The following STYK1 variants were observed in gnomAD, a reference collection of about 807,000 sequenced individuals.
STYK1 encodes the protein tyrosine-protein kinase STYK1.
In STYK1, 46 loss-of-function variants were observed where a neutral mutation model predicts 48.1. That is an observed-to-expected ratio of 0.96 (90% CI 0.75 to 1.22). The LOEUF is 1.22. STYK1 is among the 50% of genes most tolerant of loss of function. The pLI is 0.00. For missense variants in STYK1, 527 were observed against 521.1 expected (o/e 1.01, Z -0.11); for synonymous variants, 188 against 189.0 (o/e 0.99, Z 0.04).
chr12:10,631,084 G>T lies in STYK1; in HGVS notation c.412C>A (p.Pro138Thr), dbSNP rs772530382. Residue 138 changes from proline to threonine, a missense_variant, in exon 5 of 11, where the codon CCT becomes ACT. By Grantham distance (38) the Pro-to-Thr change is conservative. Coordinates refer to ENST00000075503, the MANE Select transcript of STYK1 (RefSeq NM_018423.3). Reference protein sequence around the residue: ...IFRANMNTGDPSKPKSVILKA... With the variant: ...IFRANMNTGDTSKPKSVILKA... ...AGAATAACACTCTTGGGCTTAGAAG[G>T]GTCCCCAGTGTTCATATTGGCTCGA... 4 of 1,614,032 alleles carry T rather than the reference G, an allele frequency of 2.5e-6. No homozygotes were observed. Among genetic ancestry groups the T allele is most frequent in the Non-Finnish European group, 3.4e-6 (4 of 1,180,014 alleles).
intron 7 of STYK1, 79 bp from the exon 8 acceptor site, chr12:10,624,938 A>G (rs1342654125): frequency 3.1e-6 from 4 of 1,288,802 alleles, no homozygotes; most frequent in Admixed American, 1.7e-5. Flanking sequence ...AGTCCTAGGA[A>G]TCTTCAAAAA....
chr12:10,645,217 T>C (rs1490249399), intron 1 of STYK1, among the ~76,000 whole-genome samples: 1 of 152,118 alleles, frequency 6.6e-6, no homozygotes, highest in African/African-American at 2.4e-5. Flanking sequence ...AGGTCACCCA[T>C]CATAGAAAGA....
chr12:10,671,151 C>T (rs1360288519), intron 1 of STYK1, among the ~76,000 whole-genome samples: 2 of 151,880 alleles, frequency 1.3e-5, no homozygotes, highest in Non-Finnish European at 1.5e-5. Flanking sequence ...CCCGCCACCA[C>T]GCCCAGCTAA....
At chr12:10,628,643 C>G (rs900297672) in intron 6 of STYK1, among the ~76,000 whole-genome samples, 1 of 152,168 alleles carries the variant, frequency 6.6e-6, no homozygotes, top group Non-Finnish European at 1.5e-5. Flanking sequence ...GAATATTGAA[C>G]TTGCTCACTA....
chr12:10,620,312 C>G lies in STYK1; in HGVS notation c.1101G>C (p.Glu367Asp). 1 of 1,613,586 alleles carries G rather than the reference C, an allele frequency of 6.2e-7. No homozygotes were observed. The highest frequency in any genetic ancestry group is 1.1e-5 in the South Asian group (1 of 91,048). The change falls in exon 11 of 11, where the codon GAG becomes GAC. Residue 367 changes from glutamate (E) to aspartate (D), a missense_variant. By Grantham distance (45) the Glu-to-Asp change is conservative. Transcript: ENST00000075503. The stretch of plus-strand genomic sequence containing the variant: ...GCTCTCTAGGTGAGGGGCGGTCAGC[C>G]TCACGCCAGCGCCAGCAGGACTTCA... ...SIMKSCWRWR[E>D]ADRPSPRELR...
At chr12:10,668,200 T>A (rs573068918) in intron 1 of STYK1, among the ~76,000 whole-genome samples, 20 of 152,008 alleles carry the variant, frequency 1.3e-4, no homozygotes, top group African/African-American at 3.9e-4. Flanking sequence ...GGAATAAAAA[T>A]AATAATAAAA....
chr12:10,664,280 G>A (rs1947811912), intron 1 of STYK1, among the ~76,000 whole-genome samples: 1 of 152,274 alleles, frequency 6.6e-6, no homozygotes, highest in East Asian at 1.9e-4. Flanking sequence ...GCAGGGACAA[G>A]AGAGTGTGTC....
chr12:10,670,289 T>C (rs1947878117), intron 1 of STYK1, among the ~76,000 whole-genome samples: 1 of 152,162 alleles, frequency 6.6e-6, no homozygotes, highest in African/African-American at 2.4e-5. Context: ...GCCATGTTTA[T>C]TGCAGCATTG....
chr12:10,624,322 G>A (rs912793572), intron 8 of STYK1, among the ~76,000 whole-genome samples: 3 of 151,962 alleles, frequency 2.0e-5, no homozygotes, highest in Admixed American at 6.6e-5. Context: ...TTCTAGGGAG[G>A]CTGAGGTGGG....
At chr12:10,640,196 G>A (rs903898509) in intron 1 of STYK1, among the ~76,000 whole-genome samples, 3 of 152,104 alleles carry the variant, frequency 2.0e-5, no homozygotes, top group Admixed American at 2.0e-4. Context: ...CTTTCACTGT[G>A]AGCATGAGGG....
rs868667528 is a variant in STYK1, at chr12:10,640,863, C to T, written c.-194-3667G>A. The T allele has an allele frequency of 2.0e-5, 3 of 152,266 alleles. No individual in the cohort carries two copies. The South Asian group carries it at 6.2e-4, about 32-fold the overall frequency. 9.4% of individuals were successfully genotyped at this position (152,266 alleles called of 1,614,324 possible). ...CCCCATAACATCTAGGTAAGAAATG[C>T]AGTGCTCACAGATGCTTACAAACAG... is the stretch of plus-strand genomic sequence containing the variant. On this transcript the variant is annotated intron_variant, in intron 1 of 10. Coordinates refer to ENST00000075503, the MANE Select transcript of STYK1 (RefSeq NM_018423.3).
intron 4 of STYK1, among the ~76,000 whole-genome samples, chr12:10,633,643 C>T (rs892131147): frequency 6.6e-6 from 1 of 152,072 alleles, no homozygotes; most frequent in Non-Finnish European, 1.5e-5. Flanking sequence ...ATATGTCATC[C>T]TCCTAGGATG....
chr12:10,664,242 A>T (rs1222723784), intron 1 of STYK1, among the ~76,000 whole-genome samples: 1 of 152,162 alleles, frequency 6.6e-6, no homozygotes, highest in Non-Finnish European at 1.5e-5. Context: ...ACAAGGGATG[A>T]TCTAAATTTC....
At chr12:10,634,195 A>C (rs1591682633) in intron 3 of STYK1, 71 bp from the exon 4 acceptor site, 133 of 1,540,614 alleles carry the variant, frequency 8.6e-5, no homozygotes, top group Non-Finnish European at 1.1e-4. Flanking sequence ...AATTTCCCCT[A>C]CCCGCCAGCT....
chr12:10,640,320 G>C (rs1390951800), intron 1 of STYK1, among the ~76,000 whole-genome samples: 1 of 152,156 alleles, frequency 6.6e-6, no homozygotes. Flanking sequence ...AAACCAGTGA[G>C]AGGACACAGA....
rs1410247716 is a variant in STYK1 at position 10,621,950 on chromosome 12, G to T, written c.990C>A (p.Val330=). ...GATGCTCTAGGATGCTGGTAGGAGG[G>T]ACTTCAGGATACGGTGGTGCTCCTG... ...VTLGAPPYPE[V]PPTSILEHLQ... Residue 330 remains valine, a synonymous_variant, in exon 10 of 11, where the codon GTC becomes GTA. Coordinates refer to ENST00000075503, the MANE Select transcript of STYK1 (RefSeq NM_018423.3). 2 of 1,613,700 alleles carry T rather than the reference G, an allele frequency of 1.2e-6. No homozygotes were observed. The highest frequency in any genetic ancestry group is 1.7e-6 in the Non-Finnish European group (2 of 1,179,798).
chr12:10,622,598 T>A (rs1401265775), intron 9 of STYK1, 40 bp downstream of exon 9: 1 of 1,612,458 alleles, frequency 6.2e-7, no homozygotes, highest in Non-Finnish European at 8.5e-7. Flanking sequence ...CGCTTGCATA[T>A]TTGCATACAG....
chr12:10,662,059 T>A (rs1287149437), intron 1 of STYK1, among the ~76,000 whole-genome samples: 1 of 152,206 alleles, frequency 6.6e-6, no homozygotes, highest in African/African-American at 2.4e-5. Context: ...TGAATTATTT[T>A]CTGTCTTTAT....
At chr12:10,656,717 G>A (rs984487783) in intron 1 of STYK1, among the ~76,000 whole-genome samples, 3 of 152,176 alleles carry the variant, frequency 2.0e-5, no homozygotes, top group African/African-American at 4.8e-5. Flanking sequence ...TACACATGAG[G>A]GGATCTAAGA....
Sources: gnomAD v4.1 joint callset for allele counts (sites outside exome capture counted in the v4.1 genomes callset) on GRCh38, gnomAD v4.1.1 for gene constraint, MANE v1.5 for transcripts, NCBI Gene and HGNC (gene_info 2026-07-23, HGNC 2026-07-21) for gene names.